IQSEC1: variants seen among roughly 807,000 people sequenced by gnomAD.
IQSEC1 encodes the protein IQ motif and Sec7 domain ArfGEF 1, also known as IQ motif and SEC7 domain-containing protein 1.
Under a neutral mutation model 91.0 loss-of-function variants are expected in IQSEC1, and 31 were observed. The ratio of observed to expected loss-of-function variants is 0.34; its 90% CI spans 0.26 to 0.46. IQSEC1 has a LOEUF of 0.46. Ranked by LOEUF, IQSEC1 falls within the 20% of genes least tolerant of loss-of-function variation. The probability of loss-of-function intolerance (pLI) is 1.00; values close to 1 mark genes in which losing one functional copy is unlikely to be tolerated. For synonymous variants in IQSEC1, 699 were observed against 662.6 expected (o/e 1.05, Z -0.84); for missense variants, 1,388 against 1,575.6 (o/e 0.88, Z 2.02).
intron 2 of IQSEC1, among the ~76,000 whole-genome samples, chr3:13,117,308 C>G (rs150910097): frequency 2.0e-5 from 3 of 150,306 alleles, no homozygotes; most frequent in Non-Finnish European, 4.4e-5. Flanking sequence ...AAAAAACGGC[C>G]AGATGCAGTG....
chr3:13,135,340 G>A (rs984992228), intron 2 of IQSEC1, among the ~76,000 whole-genome samples: 1 of 152,254 alleles, frequency 6.6e-6, no homozygotes, highest in African/African-American at 2.4e-5. Flanking sequence ...GTGGGGCTCA[G>A]GAGTGGAGCC....
chr3:12,941,880 G>A lies in IQSEC1; in HGVS notation c.24-15C>T. The A allele has an allele frequency of 6.4e-7, 1 of 1,563,812 alleles. No individual in the cohort carries two copies. The highest frequency in any genetic ancestry group is 8.7e-7 in the Non-Finnish European group (1 of 1,152,804). On this transcript the variant is annotated splice_polypyrimidine_tract_variant and intron_variant, in intron 1 of 13. Coordinates refer to ENST00000613206, the MANE Select transcript of IQSEC1 (RefSeq NM_001134382.3). ...CGCCCTCGACGCTGCAGAGGAGAGAGAGGTGAGAAGCTTCTGGTAAGCGGG... is the reference window on the plus strand; with the variant it reads ...CGCCCTCGACGCTGCAGAGGAGAGAAAGGTGAGAAGCTTCTGGTAAGCGGG...
At chr3:13,256,394 T>C (rs919281470) in intron 1 of IQSEC1, among the ~76,000 whole-genome samples, 19 of 152,248 alleles carry the variant, frequency 1.2e-4, no homozygotes, top group Non-Finnish European at 2.9e-5. Context: ...TGATATCATA[T>C]ATAATTATAT....
rs1036732052 is a variant in IQSEC1 at position 13,239,897 on chromosome 3, T to A, written c.272+42814A>T. On this transcript the variant is annotated intron_variant, in intron 1 of 15. Transcript: ENST00000648114. The stretch of plus-strand genomic sequence containing the variant: ...GCGGGTGGGGAGTGAGGAGTTAGTG[T>A]TGAGTGGGGACAGGGTTCAGTTTGG... 2.0e-5 allele frequency among the ~76,000 whole-genome samples: 3 copies of A among 151,990 alleles called. No homozygotes were observed. In the South Asian group the frequency reaches 6.2e-4, roughly 32 times the overall value.
chr3:13,282,103 G>A lies in IQSEC1; in HGVS notation c.272+608C>T, dbSNP rs953605808. ...TCTCCCCATCCCTCACTTAATCCTG[G>A]GTCCGAAATAGCCCCGGGTAATCCC... On this transcript the variant is annotated intron_variant, in intron 1 of 15. Coordinates refer to the IQSEC1 transcript ENST00000648114. This position sits in a 1 kb window ranked among gnomAD's most constrained non-coding sequence, Gnocchi z 6.4. Among the ~76,000 whole-genome samples the A allele has an allele frequency of 6.6e-6, 1 of 152,138 alleles. No homozygotes were observed. Among genetic ancestry groups the A allele is most frequent in the Non-Finnish European group, 1.5e-5 (1 of 68,004 alleles).
At chr3:13,042,439 G>C (rs1704311699) in intron 1 of IQSEC1, 1 of 152,352 alleles carries the variant, frequency 6.6e-6, no homozygotes, top group African/African-American at 2.4e-5. Flanking sequence ...GGGAGGTGGA[G>C]AACCGGCTGC....
At chr3:12,936,731 G>A in intron 2 of IQSEC1, 34 bp from the exon 3 acceptor site, 2 of 1,522,360 alleles carry the variant, frequency 1.3e-6, no homozygotes, top group Non-Finnish European at 1.8e-6. Flanking sequence ...GAACAGCACT[G>A]CATGTAGGCA....
At chr3:12,917,279 G>T (rs928425292) in intron 6 of IQSEC1, among the ~76,000 whole-genome samples, 2 of 152,098 alleles carry the variant, frequency 1.3e-5, no homozygotes, top group South Asian at 2.1e-4. Context: ...TTAGATTGGG[G>T]TCCACTCCAG....
chr3:13,107,023 C>A (rs1706162673), intron 2 of IQSEC1, among the ~76,000 whole-genome samples: 1 of 152,108 alleles, frequency 6.6e-6, no homozygotes, highest in Non-Finnish European at 1.5e-5. Context: ...TCATGAAATG[C>A]CAAGGAAAAG....
At chr3:12,941,996 A>G in intron 1 of IQSEC1, 131 bp from the exon 2 acceptor site, 2 of 820,238 alleles carry the variant, frequency 2.4e-6, no homozygotes, top group East Asian at 5.4e-5. Context: ...CCCATGGCTG[A>G]GTCCACATGT....
chr3:13,136,625 C>T (rs902948416), intron 2 of IQSEC1, among the ~76,000 whole-genome samples: 4 of 152,082 alleles, frequency 2.6e-5, no homozygotes, highest in Non-Finnish European at 4.4e-5. Context: ...CGGGCATTTC[C>T]GAGAGGAGGA....
At chr3:13,273,358 G>A (rs2125148357) in intron 1 of IQSEC1, among the ~76,000 whole-genome samples, 1 of 152,290 alleles carries the variant, frequency 6.6e-6, no homozygotes, top group African/African-American at 2.4e-5. Flanking sequence ...GGAGTGGCCT[G>A]GGTGTGGGAA....
intron 2 of IQSEC1, among the ~76,000 whole-genome samples, chr3:13,115,848 G>C (rs1706326083): frequency 6.6e-6 from 1 of 152,192 alleles, no homozygotes; most frequent in South Asian, 2.1e-4. Context: ...CTTTGGCCCT[G>C]AGCCCCCAGT....
upstream of IQSEC1, among the ~76,000 whole-genome samples, chr3:13,077,975 G>A (rs533692630): frequency 4.9e-4 from 75 of 152,328 alleles, 2 homozygotes; most frequent in Middle Eastern, 6.8e-3. Context: ...CCCACTTGCC[G>A]CCTTGCCAGG....
At chr3:12,915,066 C>T (rs1419574370) in intron 8 of IQSEC1, 38 bp downstream of exon 8, 3 of 1,581,468 alleles carry the variant, frequency 1.9e-6, no homozygotes, top group Admixed American at 1.8e-5. Context: ...CCCAGGGCGG[C>T]GGGCTACCCA....
intron 1 of IQSEC1, among the ~76,000 whole-genome samples, chr3:13,046,157 G>A (rs1309956148): frequency 6.6e-6 from 1 of 152,230 alleles, no homozygotes; most frequent in African/African-American, 2.4e-5. Flanking sequence ...CTCGAATCCT[G>A]AGCAGGTGAC....
At chr3:13,124,229 C>T (rs1317852920) in intron 2 of IQSEC1, among the ~76,000 whole-genome samples, 1 of 152,218 alleles carries the variant, frequency 6.6e-6, no homozygotes, top group Non-Finnish European at 1.5e-5. Context: ...TCACCTTCAC[C>T]TGCACCTTGG....
At position 12,922,531 on chromosome 3, in the gene IQSEC1, C is replaced by T. The variant is rs1696728725; in HGVS notation, c.1731-289G>A. On this transcript the variant is annotated intron_variant, in intron 4 of 13. Coordinates refer to ENST00000613206, the MANE Select transcript of IQSEC1 (RefSeq NM_001134382.3). This position sits in a 1 kb window ranked among gnomAD's most constrained non-coding sequence, Gnocchi z 5.1. ...AGCATATGGTTATCTGGATCAAAGC[C>T]CTTCCCAAGAGACAAGCATTTTTAA... is the stretch of plus-strand genomic sequence containing the variant. Among the ~76,000 whole-genome samples the T allele has an allele frequency of 6.6e-6, 1 of 152,130 alleles. No homozygotes were observed. The highest frequency in any genetic ancestry group is 1.5e-5 in the Non-Finnish European group (1 of 68,016).
At chr3:13,042,004 C>T (rs963750893) in intron 1 of IQSEC1, among the ~76,000 whole-genome samples, 1 of 152,226 alleles carries the variant, frequency 6.6e-6, no homozygotes, top group Non-Finnish European at 1.5e-5. Flanking sequence ...CTAGGGCTCA[C>T]CCCGGCAGCA....
Sources: allele counts gnomAD v4.1 joint callset (sites outside exome capture counted in the v4.1 genomes callset), GRCh38; gene constraint gnomAD v4.1.1; non-coding constraint Gnocchi (gnomAD v3.1); transcripts MANE v1.5; gene names NCBI Gene and HGNC (gene_info 2026-07-23, HGNC 2026-07-21).